TACR3: variants seen among roughly 807,000 people sequenced by gnomAD.
TACR3 encodes the protein neuromedin-K receptor.
Under a neutral mutation model 35.0 loss-of-function variants are expected in TACR3, and 34 were observed. The ratio of observed to expected loss-of-function variants is 0.97; its 90% CI spans 0.74 to 1.30. TACR3 has a LOEUF of 1.30. Among genes scored for constraint, TACR3 ranks in the 50% most tolerant of loss-of-function variants. The pLI, the probability that TACR3 is intolerant of heterozygous loss-of-function variation, is 0.00. For missense variants in TACR3, 558 were observed against 591.7 expected (o/e 0.94, Z 0.59); for synonymous variants, 233 against 221.1 (o/e 1.05, Z -0.48).
intron 1 of TACR3, among the ~76,000 whole-genome samples, chr4:103,692,089 G>A (rs1254941366): frequency 6.6e-6 from 1 of 152,134 alleles, no homozygotes; most frequent in South Asian, 2.1e-4. Context: ...CCCAGCATCT[G>A]TACATCAATC....
At position 103,682,632 on chromosome 4, in the gene TACR3, C is replaced by G. The variant is rs1316493175; in HGVS notation, c.549-24229G>C. 2.6e-5 allele frequency among the ~76,000 whole-genome samples: 4 copies of G among 152,136 alleles called. No individual in the cohort carries two copies. The East Asian group carries it at 7.7e-4, about 29-fold the overall frequency. Reference sequence around the variant, plus strand: ...TTTGGGTGGGGACACAGAGCCAAACCGTATCACTGGAGCTACAGGTGTGAG... The same window carrying G: ...TTTGGGTGGGGACACAGAGCCAAACGGTATCACTGGAGCTACAGGTGTGAG... On this transcript the variant is annotated intron_variant, in intron 1 of 4. Coordinates refer to ENST00000304883, the MANE Select transcript of TACR3 (RefSeq NM_001059.3).
intron 1 of TACR3, among the ~76,000 whole-genome samples, chr4:103,670,684 C>T (rs1016025524): frequency 6.6e-6 from 1 of 151,906 alleles, no homozygotes; most frequent in Non-Finnish European, 1.5e-5. Flanking sequence ...CTTTATTGAA[C>T]TCATTTATCA....
chr4:103,598,525 G>C (rs1386752759), intron 3 of TACR3, among the ~76,000 whole-genome samples: 1 of 152,100 alleles, frequency 6.6e-6, no homozygotes, highest in South Asian at 2.1e-4. Context: ...TGAAGTCCTT[G>C]CCCATGCCTA....
At chr4:103,683,322 A>G (rs1170462614) in intron 1 of TACR3, among the ~76,000 whole-genome samples, 1 of 151,772 alleles carries the variant, frequency 6.6e-6, no homozygotes, top group Non-Finnish European at 1.5e-5. Flanking sequence ...GACAAAATGC[A>G]CCCAAAGCAA....
At chr4:103,713,169 T>G (rs919206336) in intron 1 of TACR3, among the ~76,000 whole-genome samples, 5 of 152,098 alleles carry the variant, frequency 3.3e-5, no homozygotes, top group African/African-American at 1.2e-4. Context: ...TAAACACACA[T>G]GCACATGTAT....
chr4:103,591,992 A>G (rs753492478), intron 3 of TACR3, among the ~76,000 whole-genome samples: 1 of 152,164 alleles, frequency 6.6e-6, no homozygotes. Context: ...CCTGGAACAG[A>G]GAGAGATAGG....
At chr4:103,643,259 G>A (rs1214532378) in intron 3 of TACR3, among the ~76,000 whole-genome samples, 2 of 151,876 alleles carry the variant, frequency 1.3e-5, no homozygotes, top group East Asian at 3.9e-4. Context: ...TGTGGTTAGT[G>A]GCTACTGTGT....
chr4:103,630,472 G>T (rs952184434), intron 3 of TACR3, among the ~76,000 whole-genome samples: 2 of 151,980 alleles, frequency 1.3e-5, no homozygotes, highest in Non-Finnish European at 2.9e-5. Context: ...AATCTACAAA[G>T]AACTCAAATT....
chr4:103,646,516 T>C (rs1302602019), intron 3 of TACR3, among the ~76,000 whole-genome samples: 4 of 152,014 alleles, frequency 2.6e-5, no homozygotes, highest in Non-Finnish European at 5.9e-5. Context: ...ATTAGTATAA[T>C]TTATTCTCTT....
At chr4:103,601,774 T>G (rs1724208120) in intron 3 of TACR3, among the ~76,000 whole-genome samples, 1 of 152,240 alleles carries the variant, frequency 6.6e-6, no homozygotes, top group Admixed American at 6.5e-5. Flanking sequence ...CTGATGGGCT[T>G]CCCTTTGTGG....
chr4:103,708,487 G>T (rs993061346), intron 1 of TACR3, among the ~76,000 whole-genome samples: 3 of 152,016 alleles, frequency 2.0e-5, no homozygotes, highest in African/African-American at 7.2e-5. Context: ...AAGGACATCC[G>T]CACCAAAACC....
At chr4:103,713,034 A>G (rs1723005053) in intron 1 of TACR3, among the ~76,000 whole-genome samples, 2 of 152,194 alleles carry the variant, frequency 1.3e-5, no homozygotes, top group African/African-American at 4.8e-5. Context: ...GTGGAACTGT[A>G]AACTAGTTCA....
At chr4:103,679,834 T>C (rs1726250431) in intron 1 of TACR3, among the ~76,000 whole-genome samples, 1 of 151,838 alleles carries the variant, frequency 6.6e-6, no homozygotes. Context: ...AGATTGGATA[T>C]CAATTATCTC....
At chr4:103,704,871 C>T (rs1722749070) in intron 1 of TACR3, among the ~76,000 whole-genome samples, 1 of 152,094 alleles carries the variant, frequency 6.6e-6, no homozygotes, top group Admixed American at 6.6e-5. Flanking sequence ...AGTTATGAAT[C>T]AAAGAAATTT....
intron 3 of TACR3, among the ~76,000 whole-genome samples, chr4:103,614,709 G>T (rs945075044): frequency 6.6e-6 from 1 of 150,516 alleles, no homozygotes; most frequent in African/African-American, 2.5e-5. Flanking sequence ...TCACTCAGGG[G>T]ATTATGAAGA....
chr4:103,636,365 G>GT (rs1393340613), intron 3 of TACR3, among the ~76,000 whole-genome samples: 2 of 150,142 alleles, frequency 1.3e-5, no homozygotes, highest in African/African-American at 2.5e-5. Flanking sequence ...AGCTTCATGA[G>GT]TTTTTTTCTG....
chr4:103,608,753 C>G (rs141145354), intron 3 of TACR3, among the ~76,000 whole-genome samples: 345 of 152,078 alleles, frequency 2.3e-3, no homozygotes, highest in African/African-American at 7.7e-3. Flanking sequence ...ATTCTGCAAA[C>G]TTTGGGGAGG....
chr4:103,630,817 A>G (rs1035661606), intron 3 of TACR3, among the ~76,000 whole-genome samples: 1 of 152,218 alleles, frequency 6.6e-6, no homozygotes, highest in Non-Finnish European at 1.5e-5. Context: ...TGACCCAGCC[A>G]TCCCATTACT....
chr4:103,675,547 C>T (rs1186243928), intron 1 of TACR3, among the ~76,000 whole-genome samples: 2 of 152,082 alleles, frequency 1.3e-5, no homozygotes, highest in Non-Finnish European at 2.9e-5. Context: ...TGAATGTTAT[C>T]CAGGACTAGC....
Sources: allele counts gnomAD v4.1 joint callset (sites outside exome capture counted in the v4.1 genomes callset), GRCh38; gene constraint gnomAD v4.1.1; transcripts MANE v1.5; gene names NCBI Gene and HGNC (gene_info 2026-07-23, HGNC 2026-07-21).